The following PIK3R5 variants were observed in gnomAD, a reference collection of about 807,000 sequenced individuals.
The protein encoded by PIK3R5 is phosphoinositide-3-kinase regulatory subunit 5, also known as phosphoinositide 3-kinase regulatory subunit 5.
In PIK3R5, 32 loss-of-function variants were observed where a neutral mutation model predicts 94.9. That is an observed-to-expected ratio of 0.34 (90% CI 0.25 to 0.45). The LOEUF is 0.45. Ranked by LOEUF, PIK3R5 falls within the 20% of genes least tolerant of loss-of-function variation. The pLI is 1.00. For missense variants in PIK3R5, 853 were observed against 1,144.6 expected (o/e 0.75, Z 3.68); for synonymous variants, 443 against 479.4 (o/e 0.92, Z 0.99).
At chr17:8,936,629 T>C (rs2091081261) in intron 1 of PIK3R5, among the ~76,000 whole-genome samples, 1 of 152,256 alleles carries the variant, frequency 6.6e-6, no homozygotes, top group Non-Finnish European at 1.5e-5. Context: ...AATATTCCAT[T>C]GTATGGATGC....
intron 1 of PIK3R5, among the ~76,000 whole-genome samples, chr17:8,930,519 C>T (rs1256575237): frequency 6.6e-6 from 1 of 152,076 alleles, no homozygotes; most frequent in Non-Finnish European, 1.5e-5. Flanking sequence ...TGCTCCTGAG[C>T]GTTTATCTCA....
Position 8,911,621 on chromosome 17 carries a change from AGCT to A in PIK3R5, c.-13-117_-13-115del. On this transcript the variant is annotated intron_variant, in intron 1 of 18. Coordinates refer to ENST00000447110, the MANE Select transcript of PIK3R5 (RefSeq NM_001142633.3). This position sits in a 1 kb window ranked among gnomAD's most constrained non-coding sequence, Gnocchi z 5.3. ...AGCGCGATCAGCCCAGCCCAGCTAT[AGCT>A]CAGGTGCTGTGGAAACAGGACCAGG... is the stretch of plus-strand genomic sequence containing the variant. The A allele has an allele frequency of 1.5e-6, 1 of 671,436 alleles. No homozygotes were observed. 41.6% of individuals were successfully genotyped at this position (671,436 alleles called of 1,614,324 possible). A position where few individuals can be genotyped will look rare whatever the true frequency, so the allele number is the denominator to read the frequency against.
chr17:8,943,574 C>T (rs2091223859), intron 1 of PIK3R5, among the ~76,000 whole-genome samples: 1 of 152,124 alleles, frequency 6.6e-6, no homozygotes, highest in Admixed American at 6.5e-5. Context: ...AGTTCGAGAC[C>T]AGCCTGGCCA....
chr17:8,896,107 C>T lies in PIK3R5; in HGVS notation c.413-2452G>A, dbSNP rs1368439823. Among the ~76,000 whole-genome samples the T allele has an allele frequency of 1.3e-5, 2 of 152,158 alleles. No individual in the cohort carries two copies. Among genetic ancestry groups the T allele is most frequent in the African/African-American group, 4.8e-5 (2 of 41,432 alleles). ...TAATATAAGCTTTTGTACAGACTGA[C>T]TCCTTTGAGCCTGGCTTAGAGATTG... On this transcript the variant is annotated intron_variant, in intron 5 of 18. Coordinates refer to ENST00000447110, the MANE Select transcript of PIK3R5 (RefSeq NM_001142633.3). This position sits in a 1 kb window ranked among gnomAD's most constrained non-coding sequence, Gnocchi z 4.0.
chr17:8,933,674 T>C (rs1356797624), intron 1 of PIK3R5, among the ~76,000 whole-genome samples: 1 of 152,046 alleles, frequency 6.6e-6, no homozygotes, highest in African/African-American at 2.4e-5. Context: ...CAATTAAAAA[T>C]GAAGTCTAGA....
At position 8,888,921 on chromosome 17, in the gene PIK3R5, G is replaced by A. The variant is rs775263934; in HGVS notation, c.896-30C>T. ...AGGGAAGCAAGGCCAGCACTGTCTG[G>A]GCGTCTGGGCCCCGGATCCCCTTCT... On this transcript the variant is annotated intron_variant, in intron 9 of 18. Coordinates refer to ENST00000447110, the MANE Select transcript of PIK3R5 (RefSeq NM_001142633.3). This position sits in a 1 kb window ranked among gnomAD's most constrained non-coding sequence, Gnocchi z 7.8. 6 of 1,570,364 alleles carry A rather than the reference G, an allele frequency of 3.8e-6. No homozygotes were observed. In the South Asian group the frequency reaches 5.8e-5, roughly 15 times the overall value.
At chr17:8,942,601 TTTTC>T (rs146260882) in intron 1 of PIK3R5, among the ~76,000 whole-genome samples, 5,050 of 151,904 alleles carry the variant, frequency 0.033, 285 homozygotes, top group African/African-American at 0.11. Flanking sequence ...GCCTTATTCT[TTTTC>T]TTTCTTTCTT....
At position 8,884,597 on chromosome 17, in the gene PIK3R5, G is replaced by T; in HGVS notation, c.2205+110C>A. ...GGGGAGCCTGCTGCAGCCTTCCAGCGTAAAGACTGGGGCCCAGGAACACAC... is the reference window on the plus strand; with the variant it reads ...GGGGAGCCTGCTGCAGCCTTCCAGCTTAAAGACTGGGGCCCAGGAACACAC... On this transcript the variant is annotated intron_variant, in intron 15 of 18. Coordinates refer to ENST00000447110, the MANE Select transcript of PIK3R5 (RefSeq NM_001142633.3). This position sits in a 1 kb window ranked among gnomAD's most constrained non-coding sequence, Gnocchi z 5.8. 4.9e-6 allele frequency: 4 copies of T among 814,360 alleles called. No homozygotes were observed. The highest frequency in any genetic ancestry group is 8.2e-6 in the Non-Finnish European group (4 of 486,506). The allele number at this position is 814,360 out of a possible 1,614,324, so 50.4% of individuals were successfully genotyped here.
In PIK3R5 at chr17:8,952,039, C is replaced by G. The variant is rs79150528; in HGVS notation, c.-14+13557G>C. ...CTTCTTGCTAGCTGGAATGCAGATG[C>G]GATGGCAATTGCTAGAGCAGCCATT... On this transcript the variant is annotated intron_variant, in intron 1 of 18. Coordinates refer to ENST00000447110, the MANE Select transcript of PIK3R5 (RefSeq NM_001142633.3). Among the ~76,000 whole-genome samples, 823 of 152,304 alleles carry G rather than the reference C, an allele frequency of 5.4e-3. 16 individuals are homozygous for G. The highest frequency in any genetic ancestry group is 0.019 in the African/African-American group (781 of 41,556).
Position 8,888,124 on chromosome 17 carries a change from A to C in PIK3R5, c.1616+47T>G, listed in dbSNP as rs1453442972. 11 of 1,589,974 alleles carry C rather than the reference A, an allele frequency of 6.9e-6. No individual in the cohort carries two copies. The highest frequency in any genetic ancestry group is 8.6e-6 in the Non-Finnish European group (10 of 1,160,006). ...AGGCCCCAGATTCCACCAGCACAAC[A>C]ACCCTGTTACCCAGGGCAGAGGGAT... On this transcript the variant is annotated intron_variant, in intron 10 of 18. Transcript: ENST00000447110. This position sits in a 1 kb window ranked among gnomAD's most constrained non-coding sequence, Gnocchi z 7.8.
Position 8,890,843 on chromosome 17 carries a change from C to T in PIK3R5, c.552G>A (p.Thr184=), listed in dbSNP as rs764154145. 5 of 1,613,538 alleles carry T rather than the reference C, an allele frequency of 3.1e-6. No individual in the cohort carries two copies. Among genetic ancestry groups the T allele is most frequent in the African/African-American group, 1.3e-5 (1 of 75,044 alleles). The part of the protein sequence containing the change: ...EFLAVANKLS[T]PGHSPHSAYT... ...AGGCACTGTGAGGCGAGTGTCCGGG[C>T]GTACTCAGCTTATTGGCTACAGCAA... The change falls in exon 7 of 19, where the codon ACG becomes ACA. Residue 184 remains threonine (T), a synonymous_variant. Transcript: ENST00000447110. This position sits in a 1 kb window ranked among gnomAD's most constrained non-coding sequence, Gnocchi z 6.1.
At chr17:8,912,835 C>T (rs1369942381) in intron 1 of PIK3R5, among the ~76,000 whole-genome samples, 1 of 152,244 alleles carries the variant, frequency 6.6e-6, no homozygotes, top group Non-Finnish European at 1.5e-5. Context: ...GCACCACTCG[C>T]CAAGTGAAAA....
intron 1 of PIK3R5, among the ~76,000 whole-genome samples, chr17:8,932,252 G>C (rs920886053): frequency 2.7e-5 from 4 of 150,696 alleles, no homozygotes; most frequent in African/African-American, 4.9e-5. Context: ...TTTTATTTTT[G>C]AGACAGAGTC....
rs569074389 is a variant in PIK3R5, at chr17:8,954,975, T to C, written c.-14+10621A>G. ...AAAAAAAAGATTCCCAAGCAGAGGGTTCTCAGCACCTGGAGTTTGCATCTG... is the reference window on the plus strand; with the variant it reads ...AAAAAAAAGATTCCCAAGCAGAGGGCTCTCAGCACCTGGAGTTTGCATCTG... On this transcript the variant is annotated intron_variant, in intron 1 of 18. Transcript: ENST00000447110. Among the ~76,000 whole-genome samples the C allele has an allele frequency of 2.7e-5, 4 of 149,074 alleles. 1 individual carries two copies. In the South Asian group the frequency reaches 8.5e-4, roughly 32 times the overall value.
intron 1 of PIK3R5, among the ~76,000 whole-genome samples, chr17:8,946,686 T>C (rs1024081427): frequency 1.3e-5 from 2 of 152,178 alleles, no homozygotes; most frequent in African/African-American, 4.8e-5. Context: ...TGCCAGCATG[T>C]GCCCCGCCAT....
intron 1 of PIK3R5, among the ~76,000 whole-genome samples, chr17:8,956,004 CA>C (rs1314613555): frequency 6.6e-6 from 1 of 151,898 alleles, no homozygotes; most frequent in Admixed American, 6.6e-5. Flanking sequence ...AAAACACACA[CA>C]AAAAATTAGC....
intron 1 of PIK3R5, among the ~76,000 whole-genome samples, chr17:8,921,927 A>G (rs2090756253): frequency 6.6e-6 from 1 of 152,208 alleles, no homozygotes; most frequent in African/African-American, 2.4e-5. Flanking sequence ...ATAGTTAAAT[A>G]TCAAAATTTA....
chr17:8,916,973 GGCTGACCCA>G (rs1171549618), intron 1 of PIK3R5: 1 of 152,386 alleles, frequency 6.6e-6, no homozygotes, highest in Non-Finnish European at 1.5e-5. Flanking sequence ...TGCAGTCCTG[GGCTGACCCA>G]GCCTGCTTCC....
chr17:8,887,261 G>A, intron 11 of PIK3R5, 40 bp from the exon 12 acceptor site: 1 of 1,610,984 alleles, frequency 6.2e-7, no homozygotes, highest in Non-Finnish European at 8.5e-7. Flanking sequence ...AGCTCCCCAG[G>A]AGGCCTGCCC....
Sources: gnomAD v4.1 joint callset for allele counts (sites outside exome capture counted in the v4.1 genomes callset) on GRCh38, gnomAD v4.1.1 for gene constraint, Gnocchi (gnomAD v3.1) non-coding constraint, MANE v1.5 for transcripts, NCBI Gene and HGNC (gene_info 2026-07-23, HGNC 2026-07-21) for gene names.